GPN1: variants seen among roughly 807,000 people sequenced by gnomAD.
GPN1 encodes the protein ATP(GTP)-binding protein.
A neutral mutation model predicts 55.9 loss-of-function variants in GPN1; 44 were observed. The observed-to-expected ratio is 0.79, with a 90% CI of 0.62 to 1.01. The LOEUF (loss-of-function observed/expected upper bound fraction) is 1.01, where lower values mean the gene tolerates loss of function less well. GPN1 is among the 50% of genes least tolerant of loss of function. The pLI, the probability that GPN1 is intolerant of heterozygous loss-of-function variation, is 0.00. For missense variants in GPN1, 466 were observed against 462.8 expected (o/e 1.01, Z -0.06); for synonymous variants, 179 against 162.5 (o/e 1.10, Z -0.77).
chr2:27,638,577 CTG>C (rs1402222540), intron 8 of GPN1, among the ~76,000 whole-genome samples: 1 of 152,190 alleles, frequency 6.6e-6, no homozygotes, highest in Non-Finnish European at 1.5e-5. Flanking sequence ...CTAAACTTCT[CTG>C]TTGGTTGATG....
intron 1 of GPN1, 177 bp downstream of exon 1, chr2:27,629,346 A>C (rs1456869507): frequency 6.5e-7 from 1 of 1,535,374 alleles, no homozygotes; most frequent in East Asian, 2.4e-5. Context: ...TAGCCAGGTT[A>C]ATTAAGGCTC....
upstream of GPN1, chr2:27,628,953 C>G: frequency 6.4e-7 from 1 of 1,559,986 alleles, no homozygotes; most frequent in East Asian, 2.3e-5. Context: ...CCCTCACCCG[C>G]TCCTTTCTGA....
At chr2:27,644,511 A>C (rs746415752) in intron 12 of GPN1, among the ~76,000 whole-genome samples, 1 of 152,052 alleles carries the variant, frequency 6.6e-6, no homozygotes, top group Non-Finnish European at 1.5e-5. Context: ...GGAAGCCTCT[A>C]TATATACCTA....
At chr2:27,639,077 T>C in intron 9 of GPN1, 46 bp downstream of exon 9, 2 of 1,479,804 alleles carry the variant, frequency 1.4e-6, no homozygotes, top group Admixed American at 2.0e-5. Flanking sequence ...CCAGATAATC[T>C]GTTAACCCAT....
rs1301824042 is a variant in GPN1 at position 27,638,196 on chromosome 2, T to C, written c.525-14T>C. 1 of 1,470,090 alleles carries C rather than the reference T, an allele frequency of 6.8e-7. No homozygotes were observed. The highest frequency in any genetic ancestry group is 1.7e-5 in the Admixed American group (1 of 59,786). 91.1% of individuals were successfully genotyped at this position (1,470,090 alleles called of 1,614,324 possible). ...TGTGCTTTTACTAATAACTTCTCAA[T>C]GTTTGGTTTTCAGCATCTTATACAA... On this transcript the variant is annotated splice_polypyrimidine_tract_variant and intron_variant, in intron 7 of 13. Coordinates refer to ENST00000610189, the MANE Select transcript of GPN1 (RefSeq NM_007266.4).
intron 12 of GPN1, among the ~76,000 whole-genome samples, chr2:27,646,554 T>C (rs1040474333): frequency 1.3e-5 from 2 of 152,304 alleles, no homozygotes; most frequent in Admixed American, 6.5e-5. Context: ...TTAGTTTTCA[T>C]TTACAGCCCA....
chr2:27,631,372 T>G, intron 3 of GPN1: 1 of 461,884 alleles, frequency 2.2e-6, no homozygotes, highest in Non-Finnish European at 3.9e-6. Context: ...TCACCACCTC[T>G]TTAGACTGGG....
At chr2:27,645,929 C>T (rs1271650851) in intron 12 of GPN1, among the ~76,000 whole-genome samples, 2 of 151,990 alleles carry the variant, frequency 1.3e-5, no homozygotes, top group South Asian at 2.1e-4. Context: ...GAGGTTTTGC[C>T]GTGTTGCCCA....
intron 5 of GPN1, among the ~76,000 whole-genome samples, 176 bp downstream of exon 5, chr2:27,632,846 A>T (rs1373010907): frequency 6.6e-6 from 1 of 152,214 alleles, no homozygotes; most frequent in Admixed American, 6.5e-5. Flanking sequence ...GCTAAATTTA[A>T]TATCATTTCA....
In GPN1 at chr2:27,643,486, A is replaced by G. The variant is rs2148078488; in HGVS notation, c.931+967A>G. ...AACCTCAGTGCAGTTATCAGAAATC[A>G]GGAAATTAACATTGACATAATACTA... is the stretch of plus-strand genomic sequence containing the variant. On this transcript the variant is annotated intron_variant, in intron 12 of 13. Transcript: ENST00000610189. The surrounding 1 kb of genome is among the most constrained non-coding windows in gnomAD (Gnocchi z 4.0). Among the ~76,000 whole-genome samples, 1 of 152,328 alleles carries G rather than the reference A, an allele frequency of 6.6e-6. No homozygotes were observed.
chr2:27,644,100 G>A (rs751085894), intron 12 of GPN1, among the ~76,000 whole-genome samples: 15 of 152,196 alleles, frequency 9.9e-5, no homozygotes, highest in East Asian at 1.9e-4. Context: ...TCTTGAACCC[G>A]GGAGGCAGAA....
chr2:27,636,161 A>T (rs1673724167), intron 7 of GPN1, among the ~76,000 whole-genome samples: 1 of 152,154 alleles, frequency 6.6e-6, no homozygotes, highest in Admixed American at 6.5e-5. Flanking sequence ...GGTTGGAGTG[A>T]GCTGTGATGA....
intron 12 of GPN1, among the ~76,000 whole-genome samples, chr2:27,644,267 A>G (rs1674107451): frequency 6.6e-6 from 1 of 152,210 alleles, no homozygotes; most frequent in African/African-American, 2.4e-5. Flanking sequence ...CTTTGAGACT[A>G]TAAATATCCT....
Position 27,640,436 on chromosome 2 carries a change from G to A in GPN1, c.800+311G>A, listed in dbSNP as rs72852182. ...TATAGTCTCTGTTGCAACTGCTCAC[G>A]TCTGCCATTGTAGGACAAAAGCGTC... On this transcript the variant is annotated intron_variant, in intron 10 of 13. Transcript: ENST00000610189. 7.3e-3 allele frequency among the ~76,000 whole-genome samples: 1,109 copies of A among 152,264 alleles called. 15 individuals carry two copies. The highest frequency in any genetic ancestry group is 0.025 in the African/African-American group (1,052 of 41,554).
At chr2:27,636,451 A>G (rs1199484763) in intron 7 of GPN1, among the ~76,000 whole-genome samples, 1 of 152,178 alleles carries the variant, frequency 6.6e-6, no homozygotes, top group African/African-American at 2.4e-5. Flanking sequence ...AAATCTGAAG[A>G]TTGACAGCAT....
At chr2:27,628,696 T>C, upstream of GPN1, 1 of 1,551,678 alleles carries the variant, frequency 6.4e-7, no homozygotes, top group Non-Finnish European at 8.7e-7. Context: ...CCCCGTTCTC[T>C]GTGGGCTCAA....
At chr2:27,638,840 G>A (rs11692692) in intron 8 of GPN1, 45 bp from the exon 9 acceptor site, 791,101 of 1,534,520 alleles carry the variant, frequency 0.52, 214,730 homozygotes, top group Non-Finnish European at 0.56. Flanking sequence ...TAAATTTTGC[G>A]TTTGTTGGCT....
chr2:27,640,941 T>G (rs1288870302), intron 10 of GPN1, among the ~76,000 whole-genome samples: 1 of 152,196 alleles, frequency 6.6e-6, no homozygotes, highest in Non-Finnish European at 1.5e-5. Context: ...TATCTTTTAC[T>G]TATCTCACCC....
chr2:27,630,386 GTTTTTTTT>G (rs202052577), intron 2 of GPN1, among the ~76,000 whole-genome samples: 39 of 82,508 alleles, frequency 4.7e-4, no homozygotes, highest in African/African-American at 1.7e-3. Flanking sequence ...AACAGCTTAG[GTTTTTTTT>G]TTTTTTTTTT....
Sources: allele counts gnomAD v4.1 joint callset (sites outside exome capture counted in the v4.1 genomes callset), GRCh38; gene constraint gnomAD v4.1.1; non-coding constraint Gnocchi (gnomAD v3.1); transcripts MANE v1.5; gene names NCBI Gene and HGNC (gene_info 2026-07-23, HGNC 2026-07-21).